The following IFNGR2 variants were observed in gnomAD, a reference collection of about 807,000 sequenced individuals.
IFNGR2 encodes the protein IFN-gamma receptor 2.
IFNGR2 carries 15 observed loss-of-function variants against 41.1 expected under a neutral mutation model. That is an observed-to-expected ratio of 0.37 (90% confidence interval 0.24 to 0.56). IFNGR2 has a LOEUF of 0.56. Ranked by LOEUF, IFNGR2 falls within the 20% of genes least tolerant of loss-of-function variation. The pLI, the probability that IFNGR2 is intolerant of heterozygous loss-of-function variation, is 0.81. For missense variants in IFNGR2, 362 were observed against 415.7 expected, an observed-to-expected ratio of 0.87 and a Z score of 1.12; for synonymous variants, 161 against 171.6, an observed-to-expected ratio of 0.94 and a Z score of 0.48.
Position 33,432,813 on chromosome 21 carries a change from G to A in IFNGR2, c.821G>A (p.Arg274Lys). The A allele has an allele frequency of 1.2e-6, 2 of 1,613,838 alleles. No homozygotes were observed. The highest frequency in any genetic ancestry group is 1.7e-6 in the Non-Finnish European group (2 of 1,179,856). Reference sequence around the variant, plus strand: ...TGTTTCTTCCTGGTCCTGAAATATAGAGGCCTGATTAAATACTGGTTTCAC... The same window carrying A: ...TGTTTCTTCCTGGTCCTGAAATATAAAGGCCTGATTAAATACTGGTTTCAC... The part of the protein sequence containing the change: ...GACFFLVLKY[R>K]GLIKYWFHTP... Residue 274 changes from arginine (R) to lysine (K), a missense_variant, in exon 6 of 7, where the codon AGA becomes AAA. Transcript: ENST00000290219.
intron 6 of IFNGR2, among the ~76,000 whole-genome samples, chr21:33,433,963 C>T (rs760866666): frequency 5.3e-5 from 8 of 152,012 alleles, no homozygotes; most frequent in Non-Finnish European, 1.0e-4. Context: ...GGAGCTTGAG[C>T]TTTGGGGCCC....
At chr21:33,416,686 G>A (rs1451556709) in intron 2 of IFNGR2, among the ~76,000 whole-genome samples, 2 of 151,730 alleles carry the variant, frequency 1.3e-5, no homozygotes, top group Non-Finnish European at 3.0e-5. Flanking sequence ...GCTGGGTGTA[G>A]TGGCGGGCGC....
Position 33,437,078 on chromosome 21 carries a change from C to CCTGTT in IFNGR2, c.*120_*121insTCTGT. 9.8e-7 allele frequency: 1 copy of CCTGTT among 1,022,860 alleles called. No homozygotes were observed. Among genetic ancestry groups the CCTGTT allele is most frequent in the Non-Finnish European group, 1.5e-6 (1 of 663,672 alleles). The allele number at this position is 1,022,860 out of a possible 1,614,324, so 63.4% of individuals were successfully genotyped here. A position where few individuals can be genotyped will look rare whatever the true frequency, so the allele number is the denominator to read the frequency against. On this transcript the variant is annotated 3_prime_UTR_variant, in exon 7 of 7. Transcript: ENST00000290219. The stretch of plus-strand genomic sequence containing the variant: ...ATTCCCTTTTGCTGCCTCTAAAAGG[C>CCTGTT]CTGTCCCTGCAGACATGAGAGACAG...
intron 4 of IFNGR2, among the ~76,000 whole-genome samples, chr21:33,429,305 C>T (rs182382386): frequency 1.5e-4 from 23 of 151,602 alleles, no homozygotes; most frequent in Admixed American, 9.2e-4. Flanking sequence ...CACCCTAGAT[C>T]GCTCAAAGGA....
intron 1 of IFNGR2, among the ~76,000 whole-genome samples, chr21:33,412,649 G>A (rs1568951809): frequency 6.6e-6 from 1 of 152,152 alleles, no homozygotes; most frequent in African/African-American, 2.4e-5. Context: ...TCCGCCTCCC[G>A]GGTTCAAGCG....
At chr21:33,412,442 AAGTC>A (rs1362004072) in intron 1 of IFNGR2, among the ~76,000 whole-genome samples, 2 of 152,196 alleles carry the variant, frequency 1.3e-5, no homozygotes, top group African/African-American at 2.4e-5. Flanking sequence ...TTCAACTAGA[AAGTC>A]AGAGGCCAAA....
At chr21:33,410,890 A>C in intron 1 of IFNGR2, 3 of 1,538,394 alleles carry the variant, frequency 2.0e-6, no homozygotes, top group Non-Finnish European at 1.8e-6. Flanking sequence ...GCAGCTACTC[A>C]TGGTAAGACA....
At chr21:33,403,664 C>A in intron 1 of IFNGR2, 48 bp downstream of exon 1, 7 of 1,198,826 alleles carry the variant, frequency 5.8e-6, no homozygotes, top group Non-Finnish European at 7.4e-6. Context: ...GCAGCCGCAG[C>A]ATGTGGGGGC....
intron 6 of IFNGR2, among the ~76,000 whole-genome samples, chr21:33,435,291 T>C (rs2083934533): frequency 6.6e-6 from 1 of 152,184 alleles, no homozygotes; most frequent in South Asian, 2.1e-4. Context: ...GAGGAGTGCC[T>C]GAGACCAATG....
At chr21:33,418,088 T>C (rs1448051332) in intron 2 of IFNGR2, among the ~76,000 whole-genome samples, 1 of 152,160 alleles carries the variant, frequency 6.6e-6, no homozygotes, top group Non-Finnish European at 1.5e-5. Context: ...AGTGGCGTGA[T>C]CTCAGCTGAC....
intron 1 of IFNGR2, among the ~76,000 whole-genome samples, chr21:33,409,174 CA>C (rs891022212): frequency 1.0e-4 from 13 of 129,180 alleles, no homozygotes; most frequent in Non-Finnish European, 9.9e-5. Flanking sequence ...AAGACTGTCT[CA>C]AAAAAAAAAG....
In IFNGR2 at chr21:33,432,871, G is replaced by A. The variant is rs1368614058; in HGVS notation, c.879G>A (p.Glu293=). Reference sequence around the variant, plus strand: ...CAAGCATCCCATTACAGATAGAAGAGGTACGTGTGCACACATCTCTTTTTT... The same window carrying A: ...CAAGCATCCCATTACAGATAGAAGAAGTACGTGTGCACACATCTCTTTTTT... ...TPPSIPLQIE[E]YLKDPTQPIL... is the part of the protein sequence containing the mutation. Residue 293 remains glutamate (E), a splice_region_variant and synonymous_variant, in exon 6 of 7, where the codon GAG becomes GAA. Coordinates refer to ENST00000290219, the MANE Select transcript of IFNGR2 (RefSeq NM_005534.4). 1.9e-6 allele frequency: 3 copies of A among 1,611,698 alleles called. No individual in the cohort carries two copies. Among genetic ancestry groups the A allele is most frequent in the East Asian group, 2.2e-5 (1 of 44,848 alleles).
intron 1 of IFNGR2, among the ~76,000 whole-genome samples, chr21:33,405,764 C>T (rs2083673344): frequency 6.6e-6 from 1 of 152,152 alleles, no homozygotes; most frequent in Non-Finnish European, 1.5e-5. Flanking sequence ...GGCTCGGTGG[C>T]TCACACCTGT....
Position 33,436,899 on chromosome 21 carries a change from G to A in IFNGR2, c.951G>A (p.Trp317Ter). 1.2e-6 allele frequency: 2 copies of A among 1,613,964 alleles called. No individual in the cohort carries two copies. The highest frequency in any genetic ancestry group is 1.7e-6 in the Non-Finnish European group (2 of 1,179,928). The change falls in exon 7 of 7, where the codon TGG becomes TGA. Residue 317 changes from tryptophan to a stop codon, truncating the protein, a stop_gained. Coordinates refer to ENST00000290219, the MANE Select transcript of IFNGR2 (RefSeq NM_005534.4). LOFTEE classifies it high-confidence loss of function. ...ACAGCTCACCAAAGGATGACGTCTG[G>A]GACTCTGTGTCCATTATCTCGTTTC... is the stretch of plus-strand genomic sequence containing the variant. The part of the protein sequence containing the change: ...DKDSSPKDDV[W>*]DSVSIISFPE...
chr21:33,418,109 G>A (rs546994741), intron 2 of IFNGR2, among the ~76,000 whole-genome samples: 1 of 152,064 alleles, frequency 6.6e-6, no homozygotes, highest in South Asian at 2.1e-4. Flanking sequence ...TGCAACTTTC[G>A]GCTCATTGCA....
intron 1 of IFNGR2, among the ~76,000 whole-genome samples, chr21:33,407,504 G>C (rs749460962): frequency 6.6e-6 from 1 of 152,112 alleles, no homozygotes; most frequent in Non-Finnish European, 1.5e-5. Flanking sequence ...CCATTCTTTC[G>C]AACTAGGTTA....
At chr21:33,430,370 G>C (rs1017827243) in intron 4 of IFNGR2, among the ~76,000 whole-genome samples, 3 of 152,180 alleles carry the variant, frequency 2.0e-5, no homozygotes, top group African/African-American at 7.2e-5. Flanking sequence ...CCATTAAACA[G>C]AAGAAAAGAA....
chr21:33,434,997 AATC>A (rs1228915579), intron 6 of IFNGR2, among the ~76,000 whole-genome samples: 2 of 152,192 alleles, frequency 1.3e-5, no homozygotes, highest in Non-Finnish European at 2.9e-5. Context: ...GGGAACAGTG[AATC>A]ATGTTTCACT....
intron 2 of IFNGR2, among the ~76,000 whole-genome samples, chr21:33,419,048 T>C (rs1022707972): frequency 5.3e-5 from 8 of 152,202 alleles, no homozygotes; most frequent in African/African-American, 2.4e-5. Context: ...AAATAACCTG[T>C]TGTTCTACAC....
Sources: allele counts gnomAD v4.1 joint callset (sites outside exome capture counted in the v4.1 genomes callset), GRCh38; gene constraint gnomAD v4.1.1; transcripts MANE v1.5; gene names NCBI Gene and HGNC (gene_info 2026-07-23, HGNC 2026-07-21).